The following DMD variants were observed in gnomAD, a reference collection of about 807,000 sequenced individuals.
The protein encoded by DMD is dystrophin, also known as mutant dystrophin.
A neutral mutation model predicts 330.1 loss-of-function variants in DMD; 63 were observed. The ratio of observed to expected loss-of-function variants is 0.19; its 90% confidence interval spans 0.16 to 0.24. DMD has a LOEUF of 0.24. Among genes scored for constraint, DMD ranks in the 10% least tolerant of loss-of-function variants. DMD has a pLI of 1.00. For missense variants in DMD, 3,344 were observed against 2,684.1 expected, an observed-to-expected ratio of 1.25 and a Z score of -5.43; for synonymous variants, 1,223 against 959.8, an observed-to-expected ratio of 1.27 and a Z score of -5.07.
chrX:33,248,042 T>C (rs2052698299), intron 1 of DMD, among the ~76,000 whole-genome samples: 1 of 111,509 alleles, frequency 9.0e-6, no homozygotes, highest in African/African-American at 3.3e-5. Flanking sequence ...ATTTATTTAT[T>C]TACTTATTTA....
chrX:32,834,828 G>A (rs995930362), intron 4 of DMD, among the ~76,000 whole-genome samples: 1 of 111,309 alleles, frequency 9.0e-6, no homozygotes, highest in Non-Finnish European at 1.9e-5. Context: ...AATGTTCCTA[G>A]GGTATATTTC....
At chrX:32,782,459 G>A (rs1884272) in intron 7 of DMD, among the ~76,000 whole-genome samples, 9,061 of 111,383 alleles carry the variant, frequency 0.081, 924 homozygotes, top group African/African-American at 0.28. Flanking sequence ...CAAGTGCTAA[G>A]GCCTTAAACT....
chrX:32,146,743 C>T (rs1281958205), intron 44 of DMD, among the ~76,000 whole-genome samples: 1 of 112,087 alleles, frequency 8.9e-6, no homozygotes, highest in Non-Finnish European at 1.9e-5. Flanking sequence ...ATTAAGCACC[C>T]TCTATGTGTC....
chrX:32,724,682 G>A (rs2066678657), intron 7 of DMD, among the ~76,000 whole-genome samples: 2 of 111,332 alleles, frequency 1.8e-5, no homozygotes, highest in African/African-American at 6.5e-5. Context: ...TAAGTCTCAA[G>A]ATCCAAAAGA....
rs754737973 is a variant in DMD at position 32,154,684 on chromosome X, T to C, written c.6438+62232A>G. Among the ~76,000 whole-genome samples the C allele has an allele frequency of 8.2e-4, 92 of 111,646 alleles. No homozygotes were observed. In the South Asian group the frequency reaches 8.6e-3, roughly 10 times the overall value. On this transcript the variant is annotated intron_variant, in intron 44 of 78. Coordinates refer to ENST00000357033, the MANE Select transcript of DMD (RefSeq NM_004006.3). ...AGCAGGGTTTTATGATAAAGTTTCA[T>C]GGTACTCACACTGAATTTTAATGAC... is the stretch of plus-strand genomic sequence containing the variant.
At chrX:33,333,697 G>A (rs1204183870) in intron 1 of DMD, among the ~76,000 whole-genome samples, 1 of 110,818 alleles carries the variant, frequency 9.0e-6, no homozygotes, top group African/African-American at 3.3e-5. Context: ...TTTGATTATA[G>A]TTTCTCCTAT....
intron 1 of DMD, among the ~76,000 whole-genome samples, chrX:33,062,405 A>G (rs1327506889): frequency 8.9e-6 from 1 of 112,543 alleles, no homozygotes; most frequent in Non-Finnish European, 1.9e-5. Context: ...GCATAATTGC[A>G]TAACTGGACA....
intron 2 of DMD, among the ~76,000 whole-genome samples, chrX:32,899,477 C>A (rs984764871): frequency 3.7e-5 from 4 of 109,403 alleles, no homozygotes; most frequent in Admixed American, 2.0e-4. Flanking sequence ...AGATCGAGAC[C>A]ATCCTGACCA....
intron 50 of DMD, among the ~76,000 whole-genome samples, chrX:31,778,815 T>G (rs1301777571): frequency 3.6e-5 from 4 of 111,163 alleles, no homozygotes; most frequent in Admixed American, 9.5e-5. Context: ...GTGATCTGCC[T>G]GCCTCGGCCT....
At chrX:31,728,639 T>A (rs1217269149) in intron 52 of DMD, among the ~76,000 whole-genome samples, 1 of 111,885 alleles carries the variant, frequency 8.9e-6, no homozygotes. Flanking sequence ...AGAATATAAA[T>A]TATGAAGATA....
chrX:32,745,186 G>T (rs745664594), intron 7 of DMD, among the ~76,000 whole-genome samples: 5 of 112,310 alleles, frequency 4.5e-5, no homozygotes, highest in African/African-American at 6.5e-5. Flanking sequence ...CAGAGAAAGA[G>T]AAAGAGGAAA....
At chrX:32,659,230 C>A (rs951268322) in intron 9 of DMD, among the ~76,000 whole-genome samples, 8 of 111,884 alleles carry the variant, frequency 7.2e-5, no homozygotes, top group African/African-American at 2.6e-4. Context: ...TAACATACAC[C>A]AGTTGCTTGG....
At chrX:33,261,000 T>C (rs188432798) in intron 1 of DMD, among the ~76,000 whole-genome samples, 52 of 111,656 alleles carry the variant, frequency 4.7e-4, no homozygotes, top group African/African-American at 1.5e-3. Context: ...ACCTGTATTA[T>C]AGACAGTAAT....
intron 15 of DMD, among the ~76,000 whole-genome samples, chrX:32,566,684 C>G (rs1383062360): frequency 8.9e-6 from 1 of 111,804 alleles, no homozygotes; most frequent in African/African-American, 3.3e-5. Context: ...GGGTTACAAA[C>G]TCCCTTTGGT....
intron 44 of DMD, among the ~76,000 whole-genome samples, chrX:32,211,478 G>A (rs775439975): frequency 9.0e-6 from 1 of 111,670 alleles, no homozygotes; most frequent in Non-Finnish European, 1.9e-5. Context: ...TATAACATAG[G>A]TTATGGAGCA....
At chrX:31,946,495 A>G (rs1348109131) in intron 45 of DMD, among the ~76,000 whole-genome samples, 2 of 111,864 alleles carry the variant, frequency 1.8e-5, no homozygotes, top group Non-Finnish European at 3.8e-5. Flanking sequence ...TACTAAATTC[A>G]TTAAAAATTT....
chrX:32,380,607 A>C lies in DMD; in HGVS notation c.4748T>G (p.Leu1583Trp). The C allele has an allele frequency of 8.3e-7, 1 of 1,210,053 alleles. No homozygotes were observed. Among genetic ancestry groups the C allele is most frequent in the Non-Finnish European group, 1.1e-6 (1 of 894,551 alleles). ...SRKMRKEMNV[L>W]TEWLAATDME... ...ATCTGTAGCTGCCAGCCATTCTGTCAAGACATTCATTTCCTTTCGCATCTT... is the reference window on the plus strand; with the variant it reads ...ATCTGTAGCTGCCAGCCATTCTGTCCAGACATTCATTTCCTTTCGCATCTT... The change falls in exon 34 of 79, where the codon TTG becomes TGG. Residue 1583 changes from leucine to tryptophan, a missense_variant. Physicochemically the swap from Leu to Trp is moderately conservative, Grantham distance 61. Transcript: ENST00000357033.
At chrX:32,700,348 A>G (rs1361126875) in intron 7 of DMD, among the ~76,000 whole-genome samples, 3 of 111,394 alleles carry the variant, frequency 2.7e-5, no homozygotes, top group Non-Finnish European at 5.7e-5. Context: ...TCACTAACAC[A>G]TGGAATCTAA....
At position 33,219,865 on chromosome X, in the gene DMD, G is replaced by A. The variant is rs781110334; in HGVS notation, c.7+119394C>T. 9.9e-5 allele frequency among the ~76,000 whole-genome samples: 11 copies of A among 111,301 alleles called. No individual in the cohort carries two copies. The East Asian group carries it at 2.8e-3, about 29-fold the overall frequency. On this transcript the variant is annotated intron_variant, in intron 1 of 17. Transcript: ENST00000288447. ...GTGAAGATCCTGGTAGGAAATATAG[G>A]TAGCAGATTCAAAAGCATTTAACAG...
Sources: allele counts gnomAD v4.1 joint callset (sites outside exome capture counted in the v4.1 genomes callset), GRCh38; gene constraint gnomAD v4.1.1; transcripts MANE v1.5; gene names NCBI Gene and HGNC (gene_info 2026-07-23, HGNC 2026-07-21).